Variants in ARHGAP32 observed in about 807,000 individuals in gnomAD.
ARHGAP32 encodes the protein rho GTPase-activating protein 32.
ARHGAP32 carries 51 observed loss-of-function variants against 186.5 expected under a neutral mutation model. The ratio of observed to expected loss-of-function variants is 0.27; its 90% CI spans 0.22 to 0.35. The LOEUF is 0.35. ARHGAP32 is among the 10% of genes least tolerant of loss of function. The pLI is 1.00. For synonymous variants in ARHGAP32, 950 were observed against 964.3 expected (o/e 0.99, Z 0.27); for missense variants, 2,186 against 2,623.5 (o/e 0.83, Z 3.64).
At chr11:129,102,479 C>G (rs982117493) in intron 5 of ARHGAP32, among the ~76,000 whole-genome samples, 1 of 152,108 alleles carries the variant, frequency 6.6e-6, no homozygotes, top group Non-Finnish European at 1.5e-5. Flanking sequence ...GTGAGAACCA[C>G]AGGTTCAAAA....
rs184537972 is a variant in ARHGAP32, at chr11:129,164,325, G to A, written c.219C>T (p.Ser73=). Residue 73 remains serine, a synonymous_variant, in exon 2 of 23, where the codon AGC becomes AGT. Coordinates refer to ENST00000682385, the MANE Select transcript of ARHGAP32 (RefSeq NM_001378024.1). ...RERPDWEETL[S]AMARGADVPE... is the part of the protein sequence containing the mutation. ...TTGTATAAAACTGATTTACCATTGC[G>A]CTAAGAGTTTCTTCCCAATCAGGCC... The A allele has an allele frequency of 9.7e-6, 15 of 1,540,434 alleles. No homozygotes were observed. Among genetic ancestry groups the A allele is most frequent in the South Asian group, 1.2e-5 (1 of 83,712 alleles).
At chr11:129,209,227 T>G (rs1944550470) in intron 1 of ARHGAP32, among the ~76,000 whole-genome samples, 1 of 152,128 alleles carries the variant, frequency 6.6e-6, no homozygotes, top group South Asian at 2.1e-4. Context: ...TTTGAAAGTG[T>G]CAAGCTGGTT....
chr11:129,126,270 G>A (rs892689585), intron 2 of ARHGAP32, among the ~76,000 whole-genome samples: 17 of 152,150 alleles, frequency 1.1e-4, no homozygotes, highest in African/African-American at 3.9e-4. Flanking sequence ...CAGTGTAAAA[G>A]TAGCTACTTA....
intron 1 of ARHGAP32, among the ~76,000 whole-genome samples, chr11:129,256,695 A>T (rs536819706): frequency 7.2e-5 from 11 of 152,324 alleles, no homozygotes; most frequent in Middle Eastern, 6.8e-3. Flanking sequence ...AGAAGAATCC[A>T]AATCTCCTGA....
At chr11:129,233,077 G>A (rs1944879855) in intron 1 of ARHGAP32, among the ~76,000 whole-genome samples, 1 of 151,962 alleles carries the variant, frequency 6.6e-6, no homozygotes, top group African/African-American at 2.4e-5. Context: ...TTTTACTGGA[G>A]TATAATGCTA....
chr11:129,002,805 A>ATTT (rs36036048), intron 11 of ARHGAP32, among the ~76,000 whole-genome samples: 27,812 of 107,702 alleles, frequency 0.26, 3,782 homozygotes, highest in Middle Eastern at 0.31. Context: ...AGGGATGTTG[A>ATTT]TTTTTTTTTT....
At chr11:129,183,569 A>G (rs1944097774) in intron 1 of ARHGAP32, among the ~76,000 whole-genome samples, 1 of 152,120 alleles carries the variant, frequency 6.6e-6, no homozygotes, top group African/African-American at 2.4e-5. Context: ...GTTGCTCCTG[A>G]AAGTGGCACT....
intron 1 of ARHGAP32, among the ~76,000 whole-genome samples, chr11:129,172,955 T>C (rs1324169737): frequency 8.3e-6 from 1 of 121,054 alleles, no homozygotes; most frequent in Non-Finnish European, 1.7e-5. Flanking sequence ...AGAGAAGAAA[T>C]GAAGGAGATA....
intron 10 of ARHGAP32, among the ~76,000 whole-genome samples, chr11:129,059,997 T>C: frequency 6.6e-6 from 1 of 152,174 alleles, no homozygotes; most frequent in East Asian, 1.9e-4. Flanking sequence ...TACAAATCAA[T>C]CTTTGAAGTT....
At chr11:129,021,179 C>T (rs1226582082) in intron 11 of ARHGAP32, among the ~76,000 whole-genome samples, 9 of 151,938 alleles carry the variant, frequency 5.9e-5, no homozygotes, top group Non-Finnish European at 1.2e-4. Flanking sequence ...TTTCAAAAGG[C>T]ATTACTGACT....
intron 5 of ARHGAP32, among the ~76,000 whole-genome samples, chr11:129,094,797 C>T (rs1349176448): frequency 6.6e-6 from 1 of 152,170 alleles, no homozygotes; most frequent in African/African-American, 2.4e-5. Flanking sequence ...CAGAGATGGA[C>T]AACCCTGAGT....
chr11:129,117,395 T>G (rs1490025861), intron 5 of ARHGAP32, among the ~76,000 whole-genome samples: 1 of 152,062 alleles, frequency 6.6e-6, no homozygotes, highest in African/African-American at 2.4e-5. Flanking sequence ...ATTGTAATTC[T>G]GATTACTACT....
intron 2 of ARHGAP32, among the ~76,000 whole-genome samples, chr11:129,154,047 A>C (rs1328737030): frequency 6.6e-6 from 1 of 152,080 alleles, no homozygotes; most frequent in Non-Finnish European, 1.5e-5. Flanking sequence ...GAAAAAAAAA[A>C]TCCCATCACA....
At chr11:129,049,828 T>C (rs1270277795) in intron 10 of ARHGAP32, among the ~76,000 whole-genome samples, 1 of 152,198 alleles carries the variant, frequency 6.6e-6, no homozygotes, top group African/African-American at 2.4e-5. Context: ...CATATAAAGA[T>C]GCTATGAACA....
chr11:128,977,927 G>GGA (rs1337350936), intron 19 of ARHGAP32, among the ~76,000 whole-genome samples: 2 of 150,416 alleles, frequency 1.3e-5, no homozygotes, highest in African/African-American at 4.9e-5. Context: ...TTGTTGCCCA[G>GGA]GCTGGTCTTG....
intron 1 of ARHGAP32, among the ~76,000 whole-genome samples, chr11:129,224,948 T>A (rs775169312): frequency 4.0e-5 from 6 of 151,706 alleles, no homozygotes; most frequent in Non-Finnish European, 8.8e-5. Context: ...TCTATCTCTA[T>A]AAAAAATTAA....
chr11:129,275,114 C>T (rs186207693), intron 1 of ARHGAP32, among the ~76,000 whole-genome samples: 44 of 152,320 alleles, frequency 2.9e-4, no homozygotes, highest in Non-Finnish European at 4.9e-4. Flanking sequence ...AGTTATTCCG[C>T]TTATCAGCTG....
chr11:129,004,772 T>G (rs556005548), intron 11 of ARHGAP32, among the ~76,000 whole-genome samples: 4 of 152,234 alleles, frequency 2.6e-5, no homozygotes, highest in African/African-American at 9.6e-5. Flanking sequence ...ATAGATGAAG[T>G]GTGTTTCCTA....
chr11:129,096,392 C>T (rs952924236), intron 5 of ARHGAP32, among the ~76,000 whole-genome samples: 6 of 152,232 alleles, frequency 3.9e-5, no homozygotes, highest in African/African-American at 9.6e-5. Context: ...AGAATCTGTC[C>T]GGTGGATAAC....
Sources: allele counts gnomAD v4.1 joint callset (sites outside exome capture counted in the v4.1 genomes callset), GRCh38; gene constraint gnomAD v4.1.1; transcripts MANE v1.5; gene names NCBI Gene and HGNC (gene_info 2026-07-23, HGNC 2026-07-21).